LYPD5: variants seen among roughly 807,000 people sequenced by gnomAD.
The protein encoded by LYPD5 is ly6/PLAUR domain-containing protein 5.
LYPD5 carries 21 observed loss-of-function variants against 19.1 expected under a neutral mutation model. That is an observed-to-expected ratio of 1.10 (90% CI 0.78 to 1.58). The LOEUF (loss-of-function observed/expected upper bound fraction) is 1.58. Ranked by LOEUF, LYPD5 falls within the 40% of genes most tolerant of loss-of-function variation. LYPD5 has a pLI of 0.00. For missense variants in LYPD5, 287 were observed against 329.8 expected (o/e 0.87, Z 1.00); for synonymous variants, 128 against 142.7 (o/e 0.90, Z 0.74).
Position 43,797,292 on chromosome 19 carries a change from T to A in LYPD5, c.*299A>T. 1 of 358,938 alleles carries A rather than the reference T, an allele frequency of 2.8e-6. No individual in the cohort carries two copies. Among genetic ancestry groups the A allele is most frequent in the Non-Finnish European group, 5.1e-6 (1 of 196,676 alleles). The allele number at this position is 358,938 out of a possible 1,614,324, so 22.2% of individuals were successfully genotyped here. On this transcript the variant is annotated 3_prime_UTR_variant, in exon 5 of 5. Transcript: ENST00000377950. ...TCTGGAGGGAGAGCACAGGAAGCCG[T>A]GTTATGGGGTGCCTGGTGCCTGGCT...
In LYPD5 at chr19:43,798,202, C is replaced by T. The variant is rs1326088963; in HGVS notation, c.517+253G>A. Among the ~76,000 whole-genome samples, 940 of 148,246 alleles carry T rather than the reference C, an allele frequency of 6.3e-3. 11 individuals carry two copies. Among genetic ancestry groups the T allele is most frequent in the African/African-American group, 0.023 (892 of 38,114 alleles). On this transcript the variant is annotated intron_variant, in intron 4 of 4. Transcript: ENST00000377950. ...CAGGGTCATGCCTCCTCCCTCAGAC[C>T]AGGGTCATGCCTCCTCCCTCAGACC...
At chr19:43,819,296 T>C (rs1970400072) in intron 1 of LYPD5, among the ~76,000 whole-genome samples, 1 of 148,100 alleles carries the variant, frequency 6.8e-6, no homozygotes, top group African/African-American at 2.5e-5. Context: ...TTTTTTTTTT[T>C]TTTTTTGAGA....
chr19:43,814,353 G>C (rs1970353298), intron 1 of LYPD5, among the ~76,000 whole-genome samples: 1 of 152,168 alleles, frequency 6.6e-6, no homozygotes, highest in Non-Finnish European at 1.5e-5. Context: ...AAATTAGCAG[G>C]TGTAGTGGTG....
At chr19:43,819,640 C>G (rs184107345) in intron 1 of LYPD5, among the ~76,000 whole-genome samples, 1 of 152,220 alleles carries the variant, frequency 6.6e-6, no homozygotes, top group South Asian at 2.1e-4. Flanking sequence ...CCCTGGAGAT[C>G]GATGGGTCAG....
intron 1 of LYPD5, among the ~76,000 whole-genome samples, chr19:43,817,160 T>C (rs1443107624): frequency 6.6e-6 from 1 of 152,154 alleles, no homozygotes; most frequent in Non-Finnish European, 1.5e-5. Context: ...TCTGGGCTGG[T>C]TTGGCTGCAG....
At chr19:43,812,651 G>A (rs1970336343) in intron 1 of LYPD5, among the ~76,000 whole-genome samples, 1 of 152,114 alleles carries the variant, frequency 6.6e-6, no homozygotes, top group African/African-American at 2.4e-5. Flanking sequence ...TAAAGAACAT[G>A]CAGGGAAGAC....
chr19:43,806,563 G>A (rs1227456817), upstream of LYPD5, among the ~76,000 whole-genome samples: 1 of 152,124 alleles, frequency 6.6e-6, no homozygotes, highest in Non-Finnish European at 1.5e-5. Context: ...TCAGGAGGCT[G>A]AGGCAAGAGA....
chr19:43,802,495 C>T, upstream of LYPD5: 2 of 895,296 alleles, frequency 2.2e-6, no homozygotes, highest in Non-Finnish European at 3.6e-6. Flanking sequence ...TTTCTTCGTC[C>T]CACCCTCCCT....
upstream of LYPD5, chr19:43,802,505 T>G (rs928747917): frequency 4.1e-6 from 3 of 723,368 alleles, no homozygotes; most frequent in South Asian, 4.7e-5. Flanking sequence ...CCACCCTCCC[T>G]ATGTGGGCGG....
chr19:43,819,194 T>C (rs1896168090), intron 1 of LYPD5, among the ~76,000 whole-genome samples: 1 of 152,096 alleles, frequency 6.6e-6, no homozygotes, highest in East Asian at 1.9e-4. Context: ...CTCAACCAAC[T>C]TTCTTTGTAT....
At chr19:43,819,807 G>C (rs1338410682) in intron 1 of LYPD5, among the ~76,000 whole-genome samples, 4 of 152,116 alleles carry the variant, frequency 2.6e-5, no homozygotes, top group Non-Finnish European at 5.9e-5. Context: ...GGAAAGTGTA[G>C]CTCATTTCCT....
chr19:43,804,383 A>G (rs6509116), upstream of LYPD5, among the ~76,000 whole-genome samples: 101,665 of 137,496 alleles, frequency 0.74, 34,630 homozygotes, highest in Non-Finnish European at 0.77. Flanking sequence ...CATGTGATGG[A>G]CACATCCCAT....
upstream of LYPD5, among the ~76,000 whole-genome samples, chr19:43,803,452 G>T (rs1363365718): frequency 6.6e-6 from 1 of 152,118 alleles, no homozygotes; most frequent in Admixed American, 6.5e-5. Context: ...CTGCCTGCTG[G>T]ATCAGGCTAG....
Position 43,797,778 on chromosome 19 carries a change from G to T in LYPD5, c.569C>A (p.Thr190Asn), listed in dbSNP as rs1325829278. Residue 190 changes from threonine to asparagine, a missense_variant, in exon 5 of 5, where the codon ACC (threonine) becomes AAC (asparagine). Coordinates refer to ENST00000377950, the MANE Select transcript of LYPD5 (RefSeq NM_001031749.3). ...YIRTCHRPSCTTEGTTSPWTA... is the reference protein window; with the variant it reads ...YIRTCHRPSCNTEGTTSPWTA... ...CCAGGGGCTGGTGGTGCCCTCGGTG[G>T]TGCAGGAGGGCCGGTGGCAGGTTCT... 3 of 1,613,828 alleles carry T rather than the reference G, an allele frequency of 1.9e-6. No homozygotes were observed. Among genetic ancestry groups the T allele is most frequent in the African/African-American group, 2.7e-5 (2 of 74,888 alleles).
chr19:43,804,750 A>C (rs1411537233), upstream of LYPD5, among the ~76,000 whole-genome samples: 1 of 151,894 alleles, frequency 6.6e-6, no homozygotes, highest in East Asian at 1.9e-4. Context: ...GTGGGGGTCT[A>C]TCCAGACCGG....
intron 1 of LYPD5, chr19:43,815,780 C>A: frequency 2.5e-6 from 1 of 404,750 alleles, no homozygotes; most frequent in South Asian, 1.8e-5. Flanking sequence ...CTTTGTCACC[C>A]TGGCTGGAGT....
In LYPD5 at chr19:43,799,717, G is replaced by A. The variant is rs1970197064; in HGVS notation, c.182C>T (p.Ser61Phe). Residue 61 changes from serine (S) to phenylalanine (F), a missense_variant, in exon 2 of 5, where the codon TCT becomes TTT. Physicochemically the swap from Ser to Phe is radical, Grantham distance 155 (BLOSUM62 -2). Coordinates refer to ENST00000377950, the MANE Select transcript of LYPD5 (RefSeq NM_001031749.3). ...CPHECFEAIL[S>F]LDTGYRAPVT... ...CTCCCGCTCCTTACCGGTGTCCAGA[G>A]ACAGGATAGCCTCAAAGCACTCATG... 3.7e-6 allele frequency: 6 copies of A among 1,613,628 alleles called. No homozygotes were observed. The highest frequency in any genetic ancestry group is 5.1e-6 in the Non-Finnish European group (6 of 1,179,846).
At chr19:43,810,552 TC>T (rs1970312680) in intron 1 of LYPD5, among the ~76,000 whole-genome samples, 1 of 39,048 alleles carries the variant, frequency 2.6e-5, no homozygotes, top group South Asian at 1.2e-3. Context: ...TCCCCTCCCC[TC>T]CCTTCCCCTC....
At chr19:43,807,361 A>T (rs1357494171), upstream of LYPD5, among the ~76,000 whole-genome samples, 3 of 150,184 alleles carry the variant, frequency 2.0e-5, no homozygotes, top group East Asian at 5.9e-4. Context: ...GCTCACTGCA[A>T]CCTCCGTGTC....
Sources: allele counts gnomAD v4.1 joint callset (sites outside exome capture counted in the v4.1 genomes callset), GRCh38; gene constraint gnomAD v4.1.1; transcripts MANE v1.5; gene names NCBI Gene and HGNC (gene_info 2026-07-23, HGNC 2026-07-21).